The following NTMT1 variants were observed in gnomAD, a reference collection of about 807,000 sequenced individuals.
NTMT1 encodes the protein N-terminal RCC1 methyltransferase.
Under a neutral mutation model 17.5 loss-of-function variants are expected in NTMT1, and 8 were observed. That is an observed-to-expected ratio of 0.46 (90% CI 0.27 to 0.82). NTMT1 has a LOEUF of 0.82. NTMT1 is among the 40% of genes least tolerant of loss of function. The pLI is 0.15. For missense variants in NTMT1, 221 were observed against 303.5 expected (o/e 0.73, Z 2.02); for synonymous variants, 128 against 126.8 (o/e 1.01, Z -0.06).
intron 1 of NTMT1, among the ~76,000 whole-genome samples, chr9:129,631,722 C>G (rs906035135): frequency 2.0e-5 from 3 of 152,172 alleles, no homozygotes; most frequent in African/African-American, 7.2e-5. Context: ...GGAGCAGTGC[C>G]GTCGCCCTCC....
upstream of NTMT1, among the ~76,000 whole-genome samples, chr9:129,623,453 C>T (rs193134908): frequency 4.4e-4 from 67 of 152,340 alleles, no homozygotes; most frequent in African/African-American, 1.5e-3. Context: ...TTTCTCAGGA[C>T]TCCCTGGGCC....
chr9:129,634,112 G>A lies in NTMT1; in HGVS notation c.221G>A (p.Arg74Lys), dbSNP rs1831364818. ...CTGGACTGTGGAGCTGGCATTGGGA[G>A]GATCACCAAGCGGCTGCTCCTGCCG... ...CALDCGAGIG[R>K]ITKRLLLPLF... is the part of the protein sequence containing the mutation. The change falls in exon 3 of 4, where the codon AGG becomes AAG. Residue 74 changes from arginine to lysine, a missense_variant. Arg to Lys is a conservative substitution (Grantham distance 26, BLOSUM62 2). Coordinates refer to ENST00000372483, the MANE Select transcript of NTMT1 (RefSeq NM_014064.4). 3 of 1,614,096 alleles carry A rather than the reference G, an allele frequency of 1.9e-6. No individual in the cohort carries two copies. Among genetic ancestry groups the A allele is most frequent in the Non-Finnish European group, 2.5e-6 (3 of 1,180,040 alleles).
rs974416626 is a variant in NTMT1 at position 129,613,775 on chromosome 9, C to T, written c.-55+4597C>T. On this transcript the variant is annotated intron_variant, in intron 1 of 3. Transcript: ENST00000372486. This position sits in a 1 kb window ranked among gnomAD's most constrained non-coding sequence, Gnocchi z 6.2. ...AGCCTTGGGTTTTAAAACCACCTTG[C>T]GTGACCATTTCTGTTATACCCAAGC... 1.3e-5 allele frequency among the ~76,000 whole-genome samples: 2 copies of T among 152,210 alleles called. No homozygotes were observed. The highest frequency in any genetic ancestry group is 6.5e-5 in the Admixed American group (1 of 15,288).
chr9:129,618,864 T>G (rs1170182077), intron 1 of NTMT1, among the ~76,000 whole-genome samples: 1 of 91,516 alleles, frequency 1.1e-5, no homozygotes, highest in Non-Finnish European at 2.2e-5. Context: ...GGCTAATTTT[T>G]TGTGTTTTTT....
At chr9:129,625,442 T>G (rs952671892), upstream of NTMT1, among the ~76,000 whole-genome samples, 8 of 152,350 alleles carry the variant, frequency 5.3e-5, no homozygotes, top group African/African-American at 1.7e-4. Context: ...ACACTCGTTT[T>G]TAGAAGTCCA....
Position 129,634,196 on chromosome 9 carries a change from C to T in NTMT1, c.305C>T (p.Thr102Ile), listed in dbSNP as rs372307021. The change falls in exon 3 of 4, where the codon ACC becomes ATC. Residue 102 changes from threonine (T) to isoleucine (I), a missense_variant. Physicochemically the swap from Thr to Ile is moderately conservative, Grantham distance 89 (BLOSUM62 -1). Coordinates refer to ENST00000372483, the MANE Select transcript of NTMT1 (RefSeq NM_014064.4). ...GAGGACTTCCTGGTTCAAGCCAAGA[C>T]CTACCTGGGGGAGGAGGGCAAGAGG... ...ITEDFLVQAK[T>I]YLGEEGKRVR... 3.3e-5 allele frequency: 53 copies of T among 1,614,082 alleles called. No homozygotes were observed. Among genetic ancestry groups the T allele is most frequent in the Non-Finnish European group, 4.5e-5 (53 of 1,180,046 alleles).
intron 3 of NTMT1, 50 bp downstream of exon 3, chr9:129,634,356 C>T (rs1831383519): frequency 5.2e-6 from 8 of 1,546,004 alleles, no homozygotes; most frequent in African/African-American, 1.4e-5. Flanking sequence ...TCCTGCCACT[C>T]GCGTTCCCCA....
At chr9:129,611,779 G>A (rs1332443852) in intron 1 of NTMT1, among the ~76,000 whole-genome samples, 2 of 151,978 alleles carry the variant, frequency 1.3e-5, no homozygotes, top group Non-Finnish European at 2.9e-5. Flanking sequence ...TTGAGACAAG[G>A]TCTTACTCTC....
upstream of NTMT1, among the ~76,000 whole-genome samples, chr9:129,622,425 G>A (rs1207012314): frequency 2.0e-5 from 3 of 152,072 alleles, no homozygotes; most frequent in Non-Finnish European, 2.9e-5. Flanking sequence ...CCTGGGAGGC[G>A]GAGGTTGCAG....
At chr9:129,635,030 T>G in intron 3 of NTMT1, 178 bp from the exon 4 acceptor site, 3 of 709,752 alleles carry the variant, frequency 4.2e-6, no homozygotes, top group Non-Finnish European at 6.9e-6. Context: ...AGCCACAGTT[T>G]CCTATTCTAT....
upstream of NTMT1, among the ~76,000 whole-genome samples, chr9:129,625,960 C>T (rs1830868313): frequency 6.7e-6 from 1 of 149,760 alleles, no homozygotes; most frequent in South Asian, 2.1e-4. Context: ...TGCGGTGAGC[C>T]GAGATCGCGC....
At chr9:129,610,182 AG>A (rs1564329815) in intron 1 of NTMT1, among the ~76,000 whole-genome samples, 5 of 117,416 alleles carry the variant, frequency 4.3e-5, no homozygotes, top group South Asian at 6.5e-4. Flanking sequence ...GCCGAGCCAC[AG>A]GGGAGGGGGG....
chr9:129,616,302 G>A (rs561712260), intron 1 of NTMT1, among the ~76,000 whole-genome samples: 1 of 152,102 alleles, frequency 6.6e-6, no homozygotes. Flanking sequence ...TGCAAGCTCC[G>A]CCTCCCGGGT....
intron 1 of NTMT1, among the ~76,000 whole-genome samples, chr9:129,610,262 T>C (rs1158245129): frequency 1.3e-4 from 9 of 70,124 alleles, no homozygotes; most frequent in Non-Finnish European, 2.5e-4. Context: ...AGGGGAGGGG[T>C]AAGCGGTAGG....
chr9:129,633,548 TG>T (rs1316207361), intron 2 of NTMT1: 1 of 155,394 alleles, frequency 6.4e-6, no homozygotes, highest in Non-Finnish European at 1.4e-5. Context: ...GCAGGGGCAG[TG>T]GCTCACTCCT....
upstream of NTMT1, among the ~76,000 whole-genome samples, chr9:129,622,260 AG>A (rs1411218522): frequency 1.3e-5 from 2 of 152,218 alleles, no homozygotes; most frequent in East Asian, 3.8e-4. Context: ...TGGGAGGCCG[AG>A]GCGGGCGGAT....
chr9:129,635,375 T>C lies in NTMT1; in HGVS notation c.583T>C (p.Cys195Arg), dbSNP rs759283340. ...CCTTGACGTGGTCCGCAGGATCATC[T>C]GCAGTGCAGGCCTCAGCCTCCTGGC... The part of the protein sequence containing the change: ...RDLDVVRRII[C>R]SAGLSLLAEE... The change falls in exon 4 of 4, where the codon TGC becomes CGC. Residue 195 changes from cysteine to arginine, a missense_variant. By Grantham distance (180) the Cys-to-Arg change is radical. Coordinates refer to ENST00000372483, the MANE Select transcript of NTMT1 (RefSeq NM_014064.4). The C allele has an allele frequency of 6.2e-7, 1 of 1,613,794 alleles. No individual in the cohort carries two copies.
intron 1 of NTMT1, chr9:129,615,608 C>G: frequency 6.2e-7 from 1 of 1,600,630 alleles, no homozygotes. Context: ...TGTGGGTCAG[C>G]GCAGCCTTGA....
intron 1 of NTMT1, among the ~76,000 whole-genome samples, chr9:129,626,793 C>T (rs555222384): frequency 4.6e-5 from 7 of 152,236 alleles, no homozygotes; most frequent in Non-Finnish European, 8.8e-5. Context: ...AAAAAGACAG[C>T]CCGAGAGCCC....
Sources: gnomAD v4.1 joint callset for allele counts (sites outside exome capture counted in the v4.1 genomes callset) on GRCh38, gnomAD v4.1.1 for gene constraint, Gnocchi (gnomAD v3.1) non-coding constraint, MANE v1.5 for transcripts, NCBI Gene and HGNC (gene_info 2026-07-23, HGNC 2026-07-21) for gene names.